COL5A2: variants seen among roughly 807,000 people sequenced by gnomAD.
COL5A2 encodes collagen type V alpha 2 chain.
A neutral mutation model predicts 208.2 loss-of-function variants in COL5A2; 23 were observed. The ratio of observed to expected loss-of-function variants is 0.11; its 90% CI spans 0.08 to 0.16. The LOEUF (loss-of-function observed/expected upper bound fraction) is 0.16. COL5A2 is among the 10% of genes least tolerant of loss of function. The pLI, the probability that COL5A2 is intolerant of heterozygous loss-of-function variation, is 1.00. For synonymous variants in COL5A2, 625 were observed against 628.5 expected, an observed-to-expected ratio of 0.99 and a Z score of 0.08; for missense variants, 1,590 against 1,956.4, an observed-to-expected ratio of 0.81 and a Z score of 3.53.
chr2:189,270,817 A>G, the COL5A2 span, among the ~76,000 whole-genome samples: 21 of 152,306 alleles, frequency 1.4e-4, no homozygotes, highest in African/African-American at 5.1e-4. Flanking sequence ...GTCTCAGGAT[A>G]CAAAATCAAT....
At chr2:189,128,342 T>C (rs1407706801) in intron 1 of COL5A2, among the ~76,000 whole-genome samples, 1 of 152,048 alleles carries the variant, frequency 6.6e-6, no homozygotes, top group African/African-American at 2.4e-5. Flanking sequence ...CATCCAAAGC[T>C]TCAGGTTATT....
chr2:189,090,745 G>A (rs753699263), intron 7 of COL5A2, among the ~76,000 whole-genome samples: 1 of 152,120 alleles, frequency 6.6e-6, no homozygotes, highest in Non-Finnish European at 1.5e-5. Context: ...GAACAACAAG[G>A]CCTGGATAAC....
the COL5A2 span, among the ~76,000 whole-genome samples, chr2:189,437,069 C>T: frequency 3.9e-5 from 6 of 152,060 alleles, no homozygotes; most frequent in Non-Finnish European, 7.4e-5. Flanking sequence ...GTCTTTGAAG[C>T]AGACACCACT....
the COL5A2 span, among the ~76,000 whole-genome samples, chr2:189,366,551 T>G: frequency 1.3e-5 from 2 of 152,222 alleles, no homozygotes; most frequent in Non-Finnish European, 2.9e-5. Context: ...TCACTCTTAT[T>G]GTTTATCTTA....
chr2:189,245,228 T>A, the COL5A2 span, among the ~76,000 whole-genome samples: 1 of 152,240 alleles, frequency 6.6e-6, no homozygotes, highest in East Asian at 1.9e-4. Flanking sequence ...TGTTCACGCT[T>A]TTTTTTCTAT....
upstream of COL5A2, among the ~76,000 whole-genome samples, chr2:189,226,097 A>G (rs1271280292): frequency 6.6e-6 from 1 of 152,214 alleles, no homozygotes; most frequent in Admixed American, 6.5e-5. Context: ...CACTTCAGTT[A>G]TGTCCGGATG....
intron 50 of COL5A2, 56 bp from the exon 51 acceptor site, chr2:189,039,619 T>C (rs1685517073): frequency 1.3e-6 from 2 of 1,541,532 alleles, no homozygotes; most frequent in African/African-American, 2.7e-5. Flanking sequence ...TTTACTTAAC[T>C]GGTAGAACTT....
chr2:189,271,383 A>T, the COL5A2 span, among the ~76,000 whole-genome samples: 1 of 152,134 alleles, frequency 6.6e-6, no homozygotes, highest in Non-Finnish European at 1.5e-5. Context: ...CCTTTGACAA[A>T]CCTGATAAAA....
intron 18 of COL5A2, among the ~76,000 whole-genome samples, chr2:189,070,371 T>C (rs1686245609): frequency 6.6e-6 from 1 of 152,186 alleles, no homozygotes; most frequent in South Asian, 2.1e-4. Context: ...TGGAAATTTA[T>C]TCTTTAGTCA....
In COL5A2 at chr2:189,056,963, T is replaced by C; in HGVS notation, c.2391+10A>G. On this transcript the variant is annotated intron_variant, in intron 35 of 53. Transcript: ENST00000374866. ...CCTAGCCCAGCTAGAAAAGGAATAC[T>C]TTCACTTACTCTTGCACCATCATTT... The C allele has an allele frequency of 1.9e-6, 3 of 1,613,834 alleles. No individual in the cohort carries two copies. The highest frequency in any genetic ancestry group is 2.2e-5 in the South Asian group (2 of 91,068).
At chr2:189,366,476 C>G in the COL5A2 span, among the ~76,000 whole-genome samples, 2 of 152,204 alleles carry the variant, frequency 1.3e-5, no homozygotes, top group Non-Finnish European at 2.9e-5. Flanking sequence ...AGGACAGCCT[C>G]TCACAACAAA....
At chr2:189,282,926 AT>A in the COL5A2 span, among the ~76,000 whole-genome samples, 1 of 152,164 alleles carries the variant, frequency 6.6e-6, no homozygotes, top group Non-Finnish European at 1.5e-5. Context: ...GGTGCTAAAA[AT>A]AACATGTATC....
At chr2:189,040,997 G>T (rs541811698) in intron 50 of COL5A2, among the ~76,000 whole-genome samples, 23 of 152,344 alleles carry the variant, frequency 1.5e-4, no homozygotes, top group African/African-American at 5.5e-4. Flanking sequence ...AAACACCAGA[G>T]AGAGAAGCAT....
chr2:189,199,169 T>C, intron 1 of COL5A2, among the ~76,000 whole-genome samples: 1 of 152,188 alleles, frequency 6.6e-6, no homozygotes, highest in East Asian at 1.9e-4. Context: ...TGGATTCCCA[T>C]AAATTGACTA....
chr2:189,252,741 C>A, the COL5A2 span, among the ~76,000 whole-genome samples: 1 of 96,214 alleles, frequency 1.0e-5, no homozygotes, highest in African/African-American at 3.4e-5. Context: ...TGCACATGTA[C>A]CCTATTAAAG....
chr2:189,219,043 T>C (rs1377950948), intron 1 of COL5A2, among the ~76,000 whole-genome samples: 1 of 152,174 alleles, frequency 6.6e-6, no homozygotes, highest in African/African-American at 2.4e-5. Flanking sequence ...TCTGGTACTT[T>C]CAGAGCAAAC....
At chr2:189,426,384 C>T in the COL5A2 span, among the ~76,000 whole-genome samples, 1,058 of 152,296 alleles carry the variant, frequency 6.9e-3, 13 homozygotes, top group African/African-American at 0.024. Flanking sequence ...TAATCAGAAA[C>T]TCAAAAGAAT....
At chr2:189,129,509 T>C (rs879766262) in intron 1 of COL5A2, among the ~76,000 whole-genome samples, 1 of 152,050 alleles carries the variant, frequency 6.6e-6, no homozygotes, top group Non-Finnish European at 1.5e-5. Flanking sequence ...AAAATAATAA[T>C]TTTATGTCAA....
chr2:189,272,398 A>T, the COL5A2 span, among the ~76,000 whole-genome samples: 1 of 152,164 alleles, frequency 6.6e-6, no homozygotes, highest in South Asian at 2.1e-4. Flanking sequence ...ATTCTCATCA[A>T]GATAACAGAG....
Sources: gnomAD v4.1 joint callset for allele counts (sites outside exome capture counted in the v4.1 genomes callset) on GRCh38, gnomAD v4.1.1 for gene constraint, MANE v1.5 for transcripts, NCBI Gene and HGNC (gene_info 2026-07-23, HGNC 2026-07-21) for gene names.